The following BRINP3 variants were observed in gnomAD, a reference collection of about 807,000 sequenced individuals.
BRINP3 encodes BMP/retinoic acid inducible neural specific 3.
A neutral mutation model predicts 71.0 loss-of-function variants in BRINP3; 19 were observed. The observed-to-expected ratio is 0.27, with a 90% CI of 0.19 to 0.39. The LOEUF is 0.39. Ranked by LOEUF, BRINP3 falls within the 10% of genes least tolerant of loss-of-function variation. The pLI, the probability that BRINP3 is intolerant of heterozygous loss-of-function variation, is 1.00. For missense variants in BRINP3, 959 were observed against 940.8 expected, an observed-to-expected ratio of 1.02 and a Z score of -0.25; for synonymous variants, 380 against 337.7, an observed-to-expected ratio of 1.13 and a Z score of -1.37.
intron 3 of BRINP3, among the ~76,000 whole-genome samples, chr1:190,266,368 T>A (rs1661664861): frequency 6.6e-6 from 1 of 152,216 alleles, no homozygotes; most frequent in Non-Finnish European, 1.5e-5. Flanking sequence ...TCAGCTTCTC[T>A]CAGAAATAGA....
intron 6 of BRINP3, among the ~76,000 whole-genome samples, chr1:190,199,086 G>C (rs1476357084): frequency 6.6e-6 from 1 of 152,108 alleles, no homozygotes; most frequent in Non-Finnish European, 1.5e-5. Flanking sequence ...ATGATGGCAG[G>C]CAAGAGAGCT....
intron 2 of BRINP3, among the ~76,000 whole-genome samples, chr1:190,356,503 T>G (rs1668740630): frequency 1.3e-5 from 2 of 151,892 alleles, no homozygotes; most frequent in Admixed American, 1.3e-4. Flanking sequence ...ACTAGAAACT[T>G]GTGGCTTAAA....
chr1:190,427,982 A>T (rs1673835538), intron 2 of BRINP3, among the ~76,000 whole-genome samples: 1 of 151,602 alleles, frequency 6.6e-6, no homozygotes, highest in Non-Finnish European at 1.5e-5. Flanking sequence ...GTTATAAGTG[A>T]GAATATGTGA....
rs534415362 is a variant in BRINP3, at chr1:190,355,938, G to A, written c.237-74188C>T. ...CCTAGTCATATAATTTATACCTAGC[G>A]AGATAGCTAGGTAGCTAGCATCTGT... On this transcript the variant is annotated intron_variant, in intron 2 of 7. Coordinates refer to ENST00000367462, the MANE Select transcript of BRINP3 (RefSeq NM_199051.3). Among the ~76,000 whole-genome samples, 9 of 151,936 alleles carry A rather than the reference G, an allele frequency of 5.9e-5. No individual in the cohort carries two copies. The East Asian group carries it at 1.2e-3, about 20-fold the overall frequency.
intron 4 of BRINP3, among the ~76,000 whole-genome samples, chr1:190,256,914 T>C (rs1660713891): frequency 6.6e-6 from 1 of 152,096 alleles, no homozygotes; most frequent in Non-Finnish European, 1.5e-5. Flanking sequence ...CTGGCTGCCC[T>C]TATTATTTTT....
intron 6 of BRINP3, among the ~76,000 whole-genome samples, chr1:190,215,592 TAAATCTAGCTAACCC>T (rs895071072): frequency 3.9e-5 from 6 of 152,020 alleles, no homozygotes; most frequent in Non-Finnish European, 7.4e-5. Flanking sequence ...AAACAGTTTG[TAAATCTAGCTAACCC>T]AATCTTTGCA....
At chr1:190,225,422 T>TA (rs1657262516) in intron 6 of BRINP3, among the ~76,000 whole-genome samples, 2 of 151,778 alleles carry the variant, frequency 1.3e-5, no homozygotes, top group African/African-American at 2.4e-5. Flanking sequence ...ATGTGGAAGC[T>TA]AAAAAAAGTA....
chr1:190,363,743 A>G (rs1005389254), intron 2 of BRINP3, among the ~76,000 whole-genome samples: 1 of 152,144 alleles, frequency 6.6e-6, no homozygotes, highest in Non-Finnish European at 1.5e-5. Context: ...CGTAGTAGGA[A>G]TGGAGTAAAA....
At chr1:190,334,318 T>C (rs78235494) in intron 2 of BRINP3, among the ~76,000 whole-genome samples, 2,138 of 151,980 alleles carry the variant, frequency 0.014, 70 homozygotes, top group African/African-American at 0.048. Flanking sequence ...GAAAAATATG[T>C]GAATAATTAT....
At chr1:190,434,211 T>G (rs1056956917) in intron 2 of BRINP3, among the ~76,000 whole-genome samples, 6 of 151,988 alleles carry the variant, frequency 3.9e-5, no homozygotes, top group Admixed American at 2.6e-4. Flanking sequence ...CTCCGCCTCC[T>G]GGATTCTGCC....
intron 7 of BRINP3, among the ~76,000 whole-genome samples, chr1:190,138,003 G>A (rs1490736171): frequency 6.6e-6 from 1 of 151,462 alleles, no homozygotes; most frequent in African/African-American, 2.4e-5. Flanking sequence ...TGCCCAGGCT[G>A]GAGTACAATG....
At chr1:190,265,571 G>A (rs1558125373) in intron 3 of BRINP3, among the ~76,000 whole-genome samples, 2 of 144,740 alleles carry the variant, frequency 1.4e-5, no homozygotes, top group South Asian at 4.3e-4. Flanking sequence ...TAAATTAGCC[G>A]GGCGTGGTGG....
intron 2 of BRINP3, among the ~76,000 whole-genome samples, chr1:190,334,247 T>C (rs1343652767): frequency 6.6e-6 from 1 of 151,812 alleles, no homozygotes; most frequent in African/African-American, 2.4e-5. Flanking sequence ...GTTTTCTTGT[T>C]TTTGAAGGCC....
intron 2 of BRINP3, among the ~76,000 whole-genome samples, chr1:190,423,974 T>C (rs1673542263): frequency 6.6e-6 from 1 of 151,824 alleles, no homozygotes; most frequent in Non-Finnish European, 1.5e-5. Context: ...GACTTCACAT[T>C]CTTAAATATT....
In BRINP3 at chr1:190,379,044, A is replaced by T. The variant is rs144868293; in HGVS notation, c.236+75611T>A. ...GTGACAGGTTAATTACTTAAATTAC[A>T]AACAGAGCAAAATCTCAAACCTTTC... On this transcript the variant is annotated intron_variant, in intron 2 of 7. Transcript: ENST00000367462. Among the ~76,000 whole-genome samples the T allele has an allele frequency of 1.5e-3, 221 of 152,310 alleles. 1 individual carries two copies. Among genetic ancestry groups the T allele is most frequent in the African/African-American group, 5.3e-3 (219 of 41,566 alleles).
chr1:190,274,583 C>T (rs1347202854), intron 3 of BRINP3, among the ~76,000 whole-genome samples: 1 of 151,608 alleles, frequency 6.6e-6, no homozygotes, highest in Non-Finnish European at 1.5e-5. Flanking sequence ...CCTTTTGCCT[C>T]AAAAAGATGG....
chr1:190,222,168 C>G (rs1656950203), intron 6 of BRINP3, among the ~76,000 whole-genome samples: 2 of 151,660 alleles, frequency 1.3e-5, no homozygotes, highest in South Asian at 4.1e-4. Flanking sequence ...ATATCTTAAG[C>G]AACAAAAAAG....
intron 2 of BRINP3, among the ~76,000 whole-genome samples, chr1:190,385,829 C>T (rs1162368366): frequency 2.0e-5 from 3 of 150,356 alleles, no homozygotes; most frequent in Admixed American, 6.7e-5. Flanking sequence ...TTGGAACCAA[C>T]CCAAATGTCC....
chr1:190,401,435 A>G (rs1211323718), intron 2 of BRINP3, among the ~76,000 whole-genome samples: 1 of 151,214 alleles, frequency 6.6e-6, no homozygotes, highest in Non-Finnish European at 1.5e-5. Context: ...CTAGGGTTTC[A>G]TTGTGTTTTG....
Sources: gnomAD v4.1 joint callset for allele counts (sites outside exome capture counted in the v4.1 genomes callset) on GRCh38, gnomAD v4.1.1 for gene constraint, MANE v1.5 for transcripts, NCBI Gene and HGNC (gene_info 2026-07-23, HGNC 2026-07-21) for gene names.